The following AP2B1 variants were observed in gnomAD, a reference collection of about 807,000 sequenced individuals.
The protein encoded by AP2B1 is adaptor related protein complex 2 subunit beta 1.
AP2B1 carries 23 observed loss-of-function variants against 102.0 expected under a neutral mutation model. That is an observed-to-expected ratio of 0.23 (90% CI 0.16 to 0.32). AP2B1 has a LOEUF of 0.32. Ranked by LOEUF, AP2B1 falls within the 10% of genes least tolerant of loss-of-function variation. AP2B1 has a pLI of 1.00. For missense variants in AP2B1, 541 were observed against 1,157.4 expected (o/e 0.47, Z 7.73); for synonymous variants, 381 against 421.2 (o/e 0.90, Z 1.17).
In AP2B1 at chr17:35,645,803, C is replaced by T. The variant is rs367756435; in HGVS notation, c.1536+3828C>T. 3.3e-5 allele frequency among the ~76,000 whole-genome samples: 5 copies of T among 152,222 alleles called. No homozygotes were observed. The South Asian group carries it at 8.3e-4, about 25-fold the overall frequency. On this transcript the variant is annotated intron_variant, in intron 12 of 21. Transcript: ENST00000610402. ...GGCAGAGGTTGCAGTGAGCCAAGAT[C>T]GTGCCATTACACTCCAGCCTGGGCA...
At chr17:35,684,905 GAAACAGT>G (rs1311802659) in intron 18 of AP2B1, among the ~76,000 whole-genome samples, 1 of 152,092 alleles carries the variant, frequency 6.6e-6, no homozygotes, top group African/African-American at 2.4e-5. Context: ...AAAAAGAAAA[GAAACAGT>G]AAACAAATTA....
At chr17:35,693,904 C>T (rs942504104) in intron 18 of AP2B1, among the ~76,000 whole-genome samples, 10 of 152,336 alleles carry the variant, frequency 6.6e-5, no homozygotes, top group African/African-American at 2.4e-4. Context: ...GTCACGTGTC[C>T]TCCTTTTGTC....
chr17:35,658,666 A>T (rs999995191), intron 14 of AP2B1, among the ~76,000 whole-genome samples: 1 of 152,198 alleles, frequency 6.6e-6, no homozygotes, highest in African/African-American at 2.4e-5. Context: ...GACTATAAAG[A>T]TGCCCAACAA....
chr17:35,668,079 A>G (rs1053820684), intron 14 of AP2B1, among the ~76,000 whole-genome samples: 6 of 151,842 alleles, frequency 4.0e-5, no homozygotes, highest in Admixed American at 3.9e-4. Flanking sequence ...CTGGGACTAC[A>G]GGTTCCCGTC....
chr17:35,599,150 A>G (rs1394602263), intron 3 of AP2B1, among the ~76,000 whole-genome samples: 1 of 152,264 alleles, frequency 6.6e-6, no homozygotes, highest in African/African-American at 2.4e-5. Context: ...TTGATGAAAT[A>G]GGGATTACCC....
At position 35,594,057 on chromosome 17, in the gene AP2B1, C is replaced by T; in HGVS notation, c.27C>T (p.Thr9=). The T allele has an allele frequency of 6.3e-7, 1 of 1,590,042 alleles. No individual in the cohort carries two copies. ...TGACTGACTCCAAGTATTTCACAAC[C>T]AATAAAAAAGGTAAGTATGAGAATA... MTDSKYFT[T]NKKGEIFELK... is the part of the protein sequence containing the mutation. The change falls in exon 2 of 22, where the codon ACC becomes ACT. Residue 9 remains threonine, a synonymous_variant. Coordinates refer to ENST00000610402, the MANE Select transcript of AP2B1 (RefSeq NM_001030006.2).
intron 18 of AP2B1, among the ~76,000 whole-genome samples, chr17:35,696,203 A>G (rs2076138535): frequency 6.6e-6 from 1 of 152,020 alleles, no homozygotes; most frequent in South Asian, 2.1e-4. Context: ...CTGCCACCTC[A>G]TGACCTTTTA....
rs368666592 is a variant in AP2B1, at chr17:35,626,622, A to G, written c.718A>G (p.Ile240Val). Residue 240 changes from isoleucine to valine, a missense_variant and splice_region_variant, in exon 7 of 22, where the codon ATC becomes GTC. Around this residue, in one of 10 missense-constraint regions of AP2B1, gnomAD observed 134 missense variants for 250.2 expected, o/e 0.54. Coordinates refer to ENST00000610402, the MANE Select transcript of AP2B1 (RefSeq NM_001030006.2). ...TTAATTTTCATTCTCCACCCTCAGC[A>G]TCTGTGAGCGGGTAACTCCCCGGCT... The part of the protein sequence containing the change: ...NPKDDREAQS[I>V]CERVTPRLSH... 22 of 1,603,858 alleles carry G rather than the reference A, an allele frequency of 1.4e-5. No individual in the cohort carries two copies. The highest frequency in any genetic ancestry group is 1.9e-5 in the Non-Finnish European group (22 of 1,171,668).
chr17:35,653,238 A>G (rs1372200957), intron 13 of AP2B1, among the ~76,000 whole-genome samples: 1 of 152,186 alleles, frequency 6.6e-6, no homozygotes, highest in Non-Finnish European at 1.5e-5. Context: ...CTTATGCTTC[A>G]GTGATATTGT....
chr17:35,652,814 A>G (rs1239661400), intron 13 of AP2B1, among the ~76,000 whole-genome samples: 2 of 152,122 alleles, frequency 1.3e-5, no homozygotes, highest in Non-Finnish European at 2.9e-5. Context: ...CCTTCTTTTT[A>G]GACATACTGA....
intron 8 of AP2B1, 37 bp downstream of exon 8, chr17:35,627,542 A>G (rs75605195): frequency 0.02 from 32,963 of 1,613,748 alleles, 448 homozygotes; most frequent in Non-Finnish European, 0.023. Flanking sequence ...ATGATGATTT[A>G]GCTCTTAAGG....
intron 3 of AP2B1, among the ~76,000 whole-genome samples, chr17:35,600,150 T>C (rs1242759844): frequency 6.6e-6 from 1 of 151,970 alleles, no homozygotes; most frequent in Non-Finnish European, 1.5e-5. Context: ...GACGTTATCT[T>C]GGCTCACTGC....
chr17:35,682,334 C>T (rs200801778), intron 17 of AP2B1, among the ~76,000 whole-genome samples: 13 of 72,072 alleles, frequency 1.8e-4, no homozygotes, highest in South Asian at 1.2e-3. Context: ...AATCCTGCCT[C>T]TTTTTTTTTT....
chr17:35,596,728 C>T (rs903072014), intron 2 of AP2B1, among the ~76,000 whole-genome samples: 1 of 152,138 alleles, frequency 6.6e-6, no homozygotes, highest in Admixed American at 6.5e-5. Context: ...AAGCCCACGG[C>T]GGCGCACACC....
intron 4 of AP2B1, among the ~76,000 whole-genome samples, chr17:35,606,282 G>A (rs1216201025): frequency 2.0e-5 from 3 of 149,124 alleles, no homozygotes; most frequent in Non-Finnish European, 4.4e-5. Flanking sequence ...CTCTGTCACC[G>A]AGGCTGGAGT....
intron 18 of AP2B1, among the ~76,000 whole-genome samples, chr17:35,693,400 A>G (rs1374775936): frequency 1.3e-5 from 2 of 152,162 alleles, no homozygotes; most frequent in African/African-American, 4.8e-5. Flanking sequence ...TTATAAATTA[A>G]GTTTCTGAAT....
intron 2 of AP2B1, chr17:35,596,912 A>T: frequency 1.4e-6 from 1 of 707,716 alleles, no homozygotes; most frequent in Non-Finnish European, 2.6e-6. Context: ...CATGAAGGAG[A>T]TAACCCCGAT....
At chr17:35,694,917 A>G (rs188287264) in intron 18 of AP2B1, among the ~76,000 whole-genome samples, 32 of 152,180 alleles carry the variant, frequency 2.1e-4, no homozygotes, top group Non-Finnish European at 8.8e-5. Flanking sequence ...AAACCCAGTA[A>G]GCCCTACATA....
At position 35,688,239 on chromosome 17, in the gene AP2B1, A is replaced by G. The variant is rs75134886; in HGVS notation, c.2454+5415A>G. On this transcript the variant is annotated intron_variant, in intron 18 of 21. Coordinates refer to ENST00000610402, the MANE Select transcript of AP2B1 (RefSeq NM_001030006.2). ...TTCCAGTGGTTTCCTGAGAATAGGT[A>G]TGTAGACTATTCCATAGGTTTGAGC... 5.9e-3 allele frequency among the ~76,000 whole-genome samples: 900 copies of G among 152,316 alleles called. 2 individuals are homozygous for G. Among genetic ancestry groups the G allele is most frequent in the Middle Eastern group, 0.014 (4 of 294 alleles).
Sources: allele counts gnomAD v4.1 joint callset (sites outside exome capture counted in the v4.1 genomes callset), GRCh38; gene constraint gnomAD v4.1.1; regional missense constraint gnomAD v4.1.1; transcripts MANE v1.5; gene names NCBI Gene and HGNC (gene_info 2026-07-23, HGNC 2026-07-21).